The following ZSCAN5A variants were observed in gnomAD, a reference collection of about 807,000 sequenced individuals.
ZSCAN5A encodes the protein zinc finger and SCAN domain-containing protein 5A.
Under a neutral mutation model 23.7 loss-of-function variants are expected in ZSCAN5A, and 12 were observed. The observed-to-expected ratio is 0.51, with a 90% CI of 0.32 to 0.82. ZSCAN5A has a LOEUF of 0.82. Among genes scored for constraint, ZSCAN5A ranks in the 40% least tolerant of loss-of-function variants. The probability of loss-of-function intolerance (pLI) is 0.03; values close to 1 mark genes in which losing one functional copy is unlikely to be tolerated. For synonymous variants in ZSCAN5A, 257 were observed against 239.9 expected (o/e 1.07, Z -0.66); for missense variants, 597 against 617.9 (o/e 0.97, Z 0.36).
Position 56,221,656 on chromosome 19 carries a change from A to G in ZSCAN5A, c.1410T>C (p.Cys470=), listed in dbSNP as rs1401366145. ...GACTGAAGGCTCTTGGACACTTGGAACATTTGTAGGGTTTCTCTCCGGAGT... is the reference window on the plus strand; with the variant it reads ...GACTGAAGGCTCTTGGACACTTGGAGCATTTGTAGGGTTTCTCTCCGGAGT... The part of the protein sequence containing the change: ...RIHSGEKPYK[C]SKCPRAFSRL... The change falls in exon 6 of 6, where the codon TGT becomes TGC. Residue 470 remains cysteine, a synonymous_variant. Coordinates refer to ENST00000683990, the MANE Select transcript of ZSCAN5A (RefSeq NM_001322064.3). 1 of 1,614,154 alleles carries G rather than the reference A, an allele frequency of 6.2e-7. No individual in the cohort carries two copies. The highest frequency in any genetic ancestry group is 1.7e-5 in the Admixed American group (1 of 60,008).
At chr19:56,240,448 C>A (rs1363453091) in intron 2 of ZSCAN5A, among the ~76,000 whole-genome samples, 1 of 152,104 alleles carries the variant, frequency 6.6e-6, no homozygotes, top group Non-Finnish European at 1.5e-5. Flanking sequence ...AGTCCTTCGA[C>A]TTCTCCATAA....
intron 2 of ZSCAN5A, among the ~76,000 whole-genome samples, chr19:56,271,719 G>A (rs936155627): frequency 6.6e-6 from 1 of 152,132 alleles, no homozygotes; most frequent in African/African-American, 2.4e-5. Flanking sequence ...TCCACACCTG[G>A]AACTCTTTCC....
chr19:56,229,424 G>A (rs1183734045), intron 2 of ZSCAN5A, among the ~76,000 whole-genome samples: 1 of 152,186 alleles, frequency 6.6e-6, no homozygotes, highest in Non-Finnish European at 1.5e-5. Flanking sequence ...CCAAGAAATT[G>A]TAACAATTAT....
intron 2 of ZSCAN5A, chr19:56,266,442 C>G (rs1372282257): frequency 6.7e-6 from 1 of 150,060 alleles, no homozygotes; most frequent in Non-Finnish European, 1.5e-5. Flanking sequence ...CCTCTCTCCC[C>G]AAAGAAGTGA....
intron 2 of ZSCAN5A, among the ~76,000 whole-genome samples, chr19:56,292,322 TGTC>T (rs1209551040): frequency 6.6e-6 from 1 of 152,218 alleles, no homozygotes; most frequent in East Asian, 1.9e-4. Flanking sequence ...CTTGCTCTGT[TGTC>T]CAGGCTGGAG....
intron 2 of ZSCAN5A, among the ~76,000 whole-genome samples, chr19:56,254,287 G>T (rs2036551185): frequency 6.6e-6 from 1 of 151,940 alleles, no homozygotes; most frequent in Non-Finnish European, 1.5e-5. Context: ...TTAGTGTATA[G>T]ACTATTTTAT....
At chr19:56,232,734 A>G (rs1416258094) in intron 2 of ZSCAN5A, among the ~76,000 whole-genome samples, 1 of 151,730 alleles carries the variant, frequency 6.6e-6, no homozygotes, top group African/African-American at 2.4e-5. Context: ...GCTGAAGCAC[A>G]GTTGCACAAT....
intron 2 of ZSCAN5A, among the ~76,000 whole-genome samples, chr19:56,278,183 A>G (rs2038409842): frequency 6.6e-6 from 1 of 151,432 alleles, no homozygotes; most frequent in Non-Finnish European, 1.5e-5. Context: ...ATACAGTGGC[A>G]CGGTCTCGGC....
chr19:56,222,256 G>A lies in ZSCAN5A; in HGVS notation c.810C>T (p.Asp270=). The change falls in exon 6 of 6, where the codon GAC becomes GAT. Residue 270 remains aspartate, a synonymous_variant. Coordinates refer to ENST00000683990, the MANE Select transcript of ZSCAN5A (RefSeq NM_001322064.3). ...TCTCCACAACGCAGGCAGAAGGTGT[G>A]TCAGCATCCACATTTTCCACAGAGG... is the stretch of plus-strand genomic sequence containing the variant. ...KIASVENVDA[D]TPSACVVERE... is the part of the protein sequence containing the mutation. 6.2e-7 allele frequency: 1 copy of A among 1,613,826 alleles called. No individual in the cohort carries two copies. The highest frequency in any genetic ancestry group is 1.7e-5 in the Admixed American group (1 of 60,018).
At chr19:56,349,704 CAAAAAAAAAA>C (rs3059533) in intron 2 of ZSCAN5A, among the ~76,000 whole-genome samples, 13 of 30,938 alleles carry the variant, frequency 4.2e-4, no homozygotes, top group Admixed American at 9.6e-4. Context: ...AACTCCGTCT[CAAAAAAAAAA>C]AAAAAAAAAA....
chr19:56,273,862 C>T (rs4801699), intron 2 of ZSCAN5A, among the ~76,000 whole-genome samples: 134,025 of 152,132 alleles, frequency 0.88, 59,556 homozygotes, highest in Middle Eastern at 0.94. Flanking sequence ...TATTTAGGAG[C>T]GTGTGTGTGC....
intron 2 of ZSCAN5A, among the ~76,000 whole-genome samples, chr19:56,226,603 C>T (rs1316080654): frequency 1.3e-5 from 2 of 152,092 alleles, no homozygotes; most frequent in African/African-American, 2.4e-5. Flanking sequence ...GGGTCCTCTG[C>T]GCCCTGTGCT....
chr19:56,250,635 G>A (rs1025077020), intron 2 of ZSCAN5A, among the ~76,000 whole-genome samples: 3 of 152,122 alleles, frequency 2.0e-5, no homozygotes, highest in Non-Finnish European at 4.4e-5. Context: ...TGAGGCCAGT[G>A]TCTGATAAGT....
At position 56,225,180 on chromosome 19, in the gene ZSCAN5A, G is replaced by GA. The variant is rs1482153946; in HGVS notation, c.-127-8_-127-7insT. 6 of 1,373,522 alleles carry GA rather than the reference G, an allele frequency of 4.4e-6. No individual in the cohort carries two copies. The highest frequency in any genetic ancestry group is 5.6e-6 in the Non-Finnish European group (6 of 1,072,310). The allele number at this position is 1,373,522 out of a possible 1,614,324, so 85.1% of individuals were successfully genotyped here. A position where few individuals can be genotyped will look rare whatever the true frequency, so the allele number is the denominator to read the frequency against. On this transcript the variant is annotated splice_polypyrimidine_tract_variant and splice_region_variant and intron_variant, in intron 2 of 5. Coordinates refer to ENST00000683990, the MANE Select transcript of ZSCAN5A (RefSeq NM_001322064.3). ...TCACTGTTCATTCAGAAGTCTGGGG[G>GA]GGAAAAGTATGAGCCTCATTAGTTT...
At chr19:56,298,629 G>T (rs1482879863) in intron 2 of ZSCAN5A, among the ~76,000 whole-genome samples, 3 of 146,342 alleles carry the variant, frequency 2.0e-5, no homozygotes, top group African/African-American at 7.8e-5. Context: ...CTCCAGACTG[G>T]CAACAGAGCA....
intron 2 of ZSCAN5A, among the ~76,000 whole-genome samples, chr19:56,348,408 G>A (rs1266647516): frequency 6.6e-6 from 1 of 152,104 alleles, no homozygotes; most frequent in East Asian, 1.9e-4. Flanking sequence ...TTAACCCTAG[G>A]AAATAATTTA....
intron 2 of ZSCAN5A, among the ~76,000 whole-genome samples, chr19:56,258,470 G>T (rs1437866159): frequency 1.4e-5 from 2 of 146,308 alleles, no homozygotes; most frequent in Admixed American, 6.7e-5. Context: ...AGTGTGGGGG[G>T]TGACAGAGAC....
At chr19:56,265,579 GA>G (rs1475558150) in intron 2 of ZSCAN5A, among the ~76,000 whole-genome samples, 1 of 151,882 alleles carries the variant, frequency 6.6e-6, no homozygotes, top group Admixed American at 6.6e-5. Flanking sequence ...TCCAGTGGCA[GA>G]AACGGACTTT....
At chr19:56,322,714 C>A (rs929853325) in intron 2 of ZSCAN5A, among the ~76,000 whole-genome samples, 1 of 152,170 alleles carries the variant, frequency 6.6e-6, no homozygotes, top group Non-Finnish European at 1.5e-5. Context: ...GCACCAAAAT[C>A]TCAGGCTGCT....
Sources: gnomAD v4.1 joint callset for allele counts (sites outside exome capture counted in the v4.1 genomes callset) on GRCh38, gnomAD v4.1.1 for gene constraint, MANE v1.5 for transcripts, NCBI Gene and HGNC (gene_info 2026-07-23, HGNC 2026-07-21) for gene names.